The following SLC39A11 variants were observed in gnomAD, a reference collection of about 807,000 sequenced individuals.
The protein encoded by SLC39A11 is zinc transporter ZIP11.
Under a neutral mutation model 36.1 loss-of-function variants are expected in SLC39A11, and 33 were observed. That is an observed-to-expected ratio of 0.91 (90% CI 0.69 to 1.22). SLC39A11 has a LOEUF of 1.22. Ranked by LOEUF, SLC39A11 falls within the 50% of genes most tolerant of loss-of-function variation. The pLI, the probability that SLC39A11 is intolerant of heterozygous loss-of-function variation, is 0.00. For missense variants in SLC39A11, 432 were observed against 430.3 expected, an observed-to-expected ratio of 1.00 and a Z score of -0.03; for synonymous variants, 166 against 170.3, an observed-to-expected ratio of 0.97 and a Z score of 0.20.
At chr17:72,661,491 A>C (rs533319208) in intron 7 of SLC39A11, among the ~76,000 whole-genome samples, 1 of 152,290 alleles carries the variant, frequency 6.6e-6, no homozygotes, top group South Asian at 2.1e-4. Context: ...CGGCTTTCAG[A>C]TCCTCCCATG....
intron 5 of SLC39A11, among the ~76,000 whole-genome samples, chr17:72,906,818 C>T (rs372951536): frequency 7.2e-5 from 11 of 152,294 alleles, no homozygotes; most frequent in East Asian, 1.9e-4. Flanking sequence ...TCTTATCTTC[C>T]ACCTGCTTAC....
intron 6 of SLC39A11, among the ~76,000 whole-genome samples, chr17:72,810,328 C>T (rs1035123632): frequency 3.3e-5 from 5 of 152,046 alleles, no homozygotes; most frequent in African/African-American, 1.2e-4. Flanking sequence ...TCCTAATAGC[C>T]CAAACTGGAA....
intron 5 of SLC39A11, among the ~76,000 whole-genome samples, chr17:72,877,443 T>C (rs1286047487): frequency 6.6e-6 from 1 of 152,220 alleles, no homozygotes; most frequent in Non-Finnish European, 1.5e-5. Context: ...AATTTTTTCA[T>C]TCTGGCCAGT....
At chr17:72,753,177 A>G (rs933811448) in intron 6 of SLC39A11, among the ~76,000 whole-genome samples, 4 of 152,192 alleles carry the variant, frequency 2.6e-5, no homozygotes, top group African/African-American at 4.8e-5. Context: ...AGATTCATCA[A>G]GATATGTCTG....
intron 7 of SLC39A11, among the ~76,000 whole-genome samples, chr17:72,649,897 CCT>C (rs561597065): frequency 1.1e-3 from 175 of 152,250 alleles, no homozygotes; most frequent in African/African-American, 3.9e-3. Flanking sequence ...CCAGCCTACA[CCT>C]CTGTTTCTTG....
intron 5 of SLC39A11, among the ~76,000 whole-genome samples, chr17:72,925,001 C>CAAAAA (rs933053304): frequency 4.4e-5 from 3 of 68,932 alleles, no homozygotes; most frequent in African/African-American, 4.3e-5. Context: ...GACTCCATTT[C>CAAAAA]AAAAAAAAAA....
At chr17:72,774,493 T>C (rs935563218) in intron 6 of SLC39A11, among the ~76,000 whole-genome samples, 3 of 152,170 alleles carry the variant, frequency 2.0e-5, no homozygotes, top group African/African-American at 7.2e-5. Context: ...CAGAGCAGCA[T>C]GTAATTAAAC....
chr17:72,955,361 G>A (rs1007167442), intron 4 of SLC39A11, among the ~76,000 whole-genome samples: 1 of 143,134 alleles, frequency 7.0e-6, no homozygotes, highest in Admixed American at 7.3e-5. Context: ...GGAGTGCAGT[G>A]GTGCAATCTC....
At chr17:72,983,781 T>C (rs1462908006) in intron 4 of SLC39A11, among the ~76,000 whole-genome samples, 1 of 152,142 alleles carries the variant, frequency 6.6e-6, no homozygotes, top group Non-Finnish European at 1.5e-5. Flanking sequence ...CCAGACTCCA[T>C]AAAGATGCCC....
chr17:72,815,758 C>A (rs1665919566), intron 6 of SLC39A11, among the ~76,000 whole-genome samples: 1 of 152,168 alleles, frequency 6.6e-6, no homozygotes, highest in African/African-American at 2.4e-5. Flanking sequence ...CCTGCCTCTA[C>A]TAAAAATACA....
chr17:73,082,715 C>T (rs1409223500), intron 3 of SLC39A11, among the ~76,000 whole-genome samples: 12 of 151,988 alleles, frequency 7.9e-5, no homozygotes, highest in Admixed American at 7.9e-4. Flanking sequence ...ATCAGAACTG[C>T]TAAAGGAATT....
At chr17:72,893,756 C>T (rs752555466) in intron 5 of SLC39A11, among the ~76,000 whole-genome samples, 7 of 152,162 alleles carry the variant, frequency 4.6e-5, no homozygotes, top group Non-Finnish European at 1.5e-5. Context: ...GATAATGTCA[C>T]TATTCTAATA....
intron 4 of SLC39A11, among the ~76,000 whole-genome samples, chr17:73,028,992 C>T (rs965682479): frequency 9.9e-5 from 15 of 151,874 alleles, no homozygotes; most frequent in Non-Finnish European, 1.8e-4. Context: ...GCAGCAGGTG[C>T]CTGTAATCCC....
chr17:72,843,361 C>A (rs946485786), intron 6 of SLC39A11, among the ~76,000 whole-genome samples: 1 of 152,048 alleles, frequency 6.6e-6, no homozygotes, highest in African/African-American at 2.4e-5. Context: ...TTTATGTCTC[C>A]CCAGAATTCA....
chr17:72,815,130 T>C (rs774666377), intron 6 of SLC39A11, among the ~76,000 whole-genome samples: 2 of 152,206 alleles, frequency 1.3e-5, no homozygotes, highest in Admixed American at 6.5e-5. Context: ...TGAAGTTCTA[T>C]TAAGACTGGT....
chr17:72,830,113 A>G (rs1479158206), intron 6 of SLC39A11, among the ~76,000 whole-genome samples: 1 of 152,222 alleles, frequency 6.6e-6, no homozygotes, highest in Non-Finnish European at 1.5e-5. Context: ...ATGCATACAC[A>G]TGTGATTCCT....
At chr17:72,694,933 G>A (rs1455717473) in intron 7 of SLC39A11, among the ~76,000 whole-genome samples, 6 of 152,146 alleles carry the variant, frequency 3.9e-5, no homozygotes, top group Non-Finnish European at 7.3e-5. Flanking sequence ...TTTCTGGACC[G>A]AGGCCAGGCA....
chr17:72,779,856 C>T (rs1327710596), intron 6 of SLC39A11, among the ~76,000 whole-genome samples: 3 of 152,146 alleles, frequency 2.0e-5, no homozygotes, highest in Non-Finnish European at 4.4e-5. Flanking sequence ...TATAAGGGCC[C>T]CTTTCTTGGT....
chr17:72,897,475 C>G (rs1271931185), intron 5 of SLC39A11, among the ~76,000 whole-genome samples: 1 of 152,164 alleles, frequency 6.6e-6, no homozygotes, highest in Non-Finnish European at 1.5e-5. Flanking sequence ...TACTGTACAG[C>G]AGAGCCAAGT....
Sources: allele counts gnomAD v4.1 joint callset (sites outside exome capture counted in the v4.1 genomes callset), GRCh38; gene constraint gnomAD v4.1.1; transcripts MANE v1.5; gene names NCBI Gene and HGNC (gene_info 2026-07-23, HGNC 2026-07-21).